Variants in SERINC5 observed in about 807,000 individuals in gnomAD.
The protein encoded by SERINC5 is serine incorporator 5.
A neutral mutation model predicts 63.1 loss-of-function variants in SERINC5; 41 were observed. The observed-to-expected ratio is 0.65, with a 90% CI of 0.51 to 0.84. SERINC5 has a LOEUF of 0.84. SERINC5 is among the 40% of genes least tolerant of loss of function. The probability of loss-of-function intolerance (pLI) is 0.00; values close to 1 mark genes in which losing one functional copy is unlikely to be tolerated. For missense variants in SERINC5, 523 were observed against 573.0 expected, an observed-to-expected ratio of 0.91 and a Z score of 0.89; for synonymous variants, 222 against 215.2, an observed-to-expected ratio of 1.03 and a Z score of -0.28.
At chr5:80,234,377 G>T (rs1751593969) in intron 1 of SERINC5, among the ~76,000 whole-genome samples, 1 of 152,090 alleles carries the variant, frequency 6.6e-6, no homozygotes, top group Non-Finnish European at 1.5e-5. Flanking sequence ...TATGTAAATT[G>T]TAGACAATGT....
chr5:80,140,333 G>C lies in SERINC5; in HGVS notation c.*3330C>G. ...AAAAAAAAAAAAAAAAAAAAAAAAA[G>C]GCTTAGGGTGACAATTTTGACATGG... On this transcript the variant is annotated 3_prime_UTR_variant, in exon 12 of 12. Coordinates refer to ENST00000507668, the MANE Select transcript of SERINC5 (RefSeq NM_001174072.3). The C allele has an allele frequency of 2.4e-6, 2 of 832,390 alleles. No individual in the cohort carries two copies. The highest frequency in any genetic ancestry group is 4.3e-5 in the African/African-American group (2 of 46,096). 51.6% of individuals were successfully genotyped at this position (832,390 alleles called of 1,614,324 possible).
Position 80,141,028 on chromosome 5 carries a change from T to C in SERINC5, c.*2635A>G, listed in dbSNP as rs564917276. ...ATGTTTCCAGTTTCTCAAATCACAA[T>C]TGCACAAAACTGTAGATTCTTTAAA... On this transcript the variant is annotated 3_prime_UTR_variant, in exon 12 of 12. Coordinates refer to ENST00000507668, the MANE Select transcript of SERINC5 (RefSeq NM_001174072.3). 184 of 985,266 alleles carry C rather than the reference T, an allele frequency of 1.9e-4. No individual in the cohort carries two copies. Among genetic ancestry groups the C allele is most frequent in the Admixed American group, 2.5e-4 (4 of 16,262 alleles). The allele number at this position is 985,266 out of a possible 1,614,324, so 61.0% of individuals were successfully genotyped here. A position where few individuals can be genotyped will look rare whatever the true frequency, so the allele number is the denominator to read the frequency against.
intron 1 of SERINC5, among the ~76,000 whole-genome samples, chr5:80,242,663 T>C (rs1751997945): frequency 6.6e-6 from 1 of 152,122 alleles, no homozygotes; most frequent in South Asian, 2.1e-4. Flanking sequence ...GGCAGGAGAA[T>C]CACTTGAACC....
Position 80,256,040 on chromosome 5 carries a change from C to CCT in SERINC5, c.-120_-119dup, listed in dbSNP as rs764408945. 14 of 1,112,814 alleles carry CCT rather than the reference C, an allele frequency of 1.3e-5. No homozygotes were observed. Among genetic ancestry groups the CCT allele is most frequent in the Non-Finnish European group, 1.4e-5 (12 of 831,000 alleles). 68.9% of individuals were successfully genotyped at this position (1,112,814 alleles called of 1,614,324 possible). On this transcript the variant is annotated 5_prime_UTR_variant, in exon 1 of 12. Coordinates refer to ENST00000507668, the MANE Select transcript of SERINC5 (RefSeq NM_001174072.3). ...CAGCTCACACTTGAACGAAGATCAG[C>CCT]CTCGGCGAAGCGCCTAGGCGCCGAG...
At chr5:80,175,141 T>C (rs1212359894) in intron 4 of SERINC5, 94 bp from the exon 5 acceptor site, 9 of 724,700 alleles carry the variant, frequency 1.2e-5, no homozygotes, top group Non-Finnish European at 2.3e-6. Context: ...AGATGATCAG[T>C]GTACCTAACA....
Position 80,169,512 on chromosome 5 carries a change from C to T in SERINC5, c.586G>A (p.Ala196Thr), listed in dbSNP as rs773482562. 1.1e-5 allele frequency: 18 copies of T among 1,613,746 alleles called. No homozygotes were observed. Among genetic ancestry groups the T allele is most frequent in the East Asian group, 6.7e-5 (3 of 44,850 alleles). Residue 196 changes from alanine to threonine, a missense_variant, in exon 6 of 12, where the codon GCC becomes ACC. Coordinates refer to ENST00000507668, the MANE Select transcript of SERINC5 (RefSeq NM_001174072.3). ...ATGAGCGTCACCAGGGCCAGGGAGG[C>T]GTACCACAGCTTGTTACTGGCTGTG... ...AGTASNKLWY[A>T]SLALVTLIMY...
chr5:80,204,863 G>A (rs1475454352), intron 1 of SERINC5, among the ~76,000 whole-genome samples: 2 of 152,288 alleles, frequency 1.3e-5, no homozygotes, highest in East Asian at 3.9e-4. Context: ...AGAGTTGCCT[G>A]GGGAAAAACA....
chr5:80,213,849 C>CACTA (rs1195624817), intron 1 of SERINC5, among the ~76,000 whole-genome samples: 1 of 152,260 alleles, frequency 6.6e-6, no homozygotes, highest in East Asian at 1.9e-4. Flanking sequence ...TTCATTCACT[C>CACTA]ACTAATATAT....
In SERINC5 at chr5:80,143,738, G is replaced by A; in HGVS notation, c.1311C>T (p.Cys437=). 6.5e-7 allele frequency: 1 copy of A among 1,536,146 alleles called. No homozygotes were observed. The highest frequency in any genetic ancestry group is 8.7e-7 in the Non-Finnish European group (1 of 1,146,880). Residue 437 remains cysteine, a synonymous_variant, in exon 12 of 12, where the codon TGC becomes TGT. Coordinates refer to ENST00000507668, the MANE Select transcript of SERINC5 (RefSeq NM_001174072.3). ...WSIFWVKMAS[C]WICVLLYLCT... ...ACAGGTACAACAGCACGCATATCCAGCAGGAGGCCATCTTGACCCAGAAGA... is the reference window on the plus strand; with the variant it reads ...ACAGGTACAACAGCACGCATATCCAACAGGAGGCCATCTTGACCCAGAAGA...
At chr5:80,174,700 G>C (rs555046582) in intron 5 of SERINC5, among the ~76,000 whole-genome samples, 5 of 152,054 alleles carry the variant, frequency 3.3e-5, no homozygotes, top group African/African-American at 1.2e-4. Context: ...TCAGGAGATC[G>C]AGACCCGTAC....
At chr5:80,158,340 T>C (rs1746668251) in intron 8 of SERINC5, 1 of 153,254 alleles carries the variant, frequency 6.5e-6, no homozygotes, top group Non-Finnish European at 1.5e-5. Context: ...GAAAAGAGAA[T>C]GAACATTTCT....
chr5:80,235,792 T>G (rs990863656), intron 1 of SERINC5, among the ~76,000 whole-genome samples: 1 of 152,182 alleles, frequency 6.6e-6, no homozygotes, highest in African/African-American at 2.4e-5. Context: ...TAAGTAAGAT[T>G]GAGCATTTTC....
At chr5:80,218,440 T>G (rs539640602) in intron 1 of SERINC5, among the ~76,000 whole-genome samples, 3 of 152,092 alleles carry the variant, frequency 2.0e-5, no homozygotes, top group Non-Finnish European at 4.4e-5. Flanking sequence ...CATGAGAGGC[T>G]GAGGTAGGAG....
intron 2 of SERINC5, among the ~76,000 whole-genome samples, chr5:80,182,502 C>T (rs1156826768): frequency 6.6e-6 from 1 of 150,924 alleles, no homozygotes; most frequent in East Asian, 2.0e-4. Flanking sequence ...GCCCCTATTC[C>T]TCTCTGTAGC....
At chr5:80,240,496 G>A (rs993559209) in intron 1 of SERINC5, among the ~76,000 whole-genome samples, 3 of 151,970 alleles carry the variant, frequency 2.0e-5, no homozygotes, top group Admixed American at 6.6e-5. Flanking sequence ...AATTTTCCCC[G>A]TGAGACCTGT....
intron 1 of SERINC5, among the ~76,000 whole-genome samples, chr5:80,221,864 T>C (rs920875382): frequency 1.3e-5 from 2 of 151,572 alleles, no homozygotes; most frequent in South Asian, 2.1e-4. Flanking sequence ...ATACCTTTAA[T>C]GGCCAGACAC....
downstream of SERINC5, among the ~76,000 whole-genome samples, chr5:80,134,831 G>A (rs1745094500): frequency 1.3e-5 from 2 of 152,216 alleles, no homozygotes; most frequent in Admixed American, 1.3e-4. Flanking sequence ...ACAGCACCCT[G>A]ACATGCACCC....
intron 1 of SERINC5, among the ~76,000 whole-genome samples, chr5:80,216,730 G>T (rs1208788382): frequency 1.3e-5 from 2 of 152,124 alleles, no homozygotes; most frequent in Non-Finnish European, 2.9e-5. Flanking sequence ...TAGTTTTAGG[G>T]CTGGGCACAG....
At chr5:80,243,784 T>TAAATAAATAAATAAAA (rs547031779) in intron 1 of SERINC5, among the ~76,000 whole-genome samples, 9 of 148,780 alleles carry the variant, frequency 6.0e-5, no homozygotes, top group Admixed American at 1.4e-4. Flanking sequence ...AATAAATAAA[T>TAAATAAATAAATAAAA]AAAACAAAAT....
Sources: gnomAD v4.1 joint callset for allele counts (sites outside exome capture counted in the v4.1 genomes callset) on GRCh38, gnomAD v4.1.1 for gene constraint, MANE v1.5 for transcripts, NCBI Gene and HGNC (gene_info 2026-07-23, HGNC 2026-07-21) for gene names.